RCBTB2: variants seen among roughly 807,000 people sequenced by gnomAD.
RCBTB2 encodes RCC1 and BTB domain containing protein 2, also known as RCC1 and BTB domain-containing protein 2.
Under a neutral mutation model 65.4 loss-of-function variants are expected in RCBTB2, and 55 were observed. The ratio of observed to expected loss-of-function variants is 0.84; its 90% CI spans 0.68 to 1.05. The LOEUF is 1.05. Among genes scored for constraint, RCBTB2 ranks in the 50% least tolerant of loss-of-function variants. RCBTB2 has a pLI of 0.00. For synonymous variants in RCBTB2, 220 were observed against 255.2 expected (o/e 0.86, Z 1.31); for missense variants, 599 against 680.1 (o/e 0.88, Z 1.33).
chr13:48,525,162 T>C (rs993707129), intron 1 of RCBTB2, among the ~76,000 whole-genome samples: 1 of 151,498 alleles, frequency 6.6e-6, no homozygotes, highest in African/African-American at 2.4e-5. Flanking sequence ...CAGTTAAAGA[T>C]TTCATACATA....
Position 48,502,812 on chromosome 13 carries a change from G to A in RCBTB2, c.1029C>T (p.Ile343=). ...AGGAGAAGTGGGTGAGGTGCGGGAG[G>A]ATCACGGACTGACCCCGGCACTGGC... The part of the protein sequence containing the change: ...MWGQCRGQSV[I]LPHLTHFSCT... The change falls in exon 11 of 15, where the codon ATC becomes ATT. Residue 343 remains isoleucine (I), a synonymous_variant. Transcript: ENST00000344532. 1 of 1,614,232 alleles carries A rather than the reference G, an allele frequency of 6.2e-7. No individual in the cohort carries two copies. Among genetic ancestry groups the A allele is most frequent in the Non-Finnish European group, 8.5e-7 (1 of 1,180,040 alleles).
At chr13:48,521,714 T>C (rs1323714038) in intron 4 of RCBTB2, among the ~76,000 whole-genome samples, 184 bp downstream of exon 4, 1 of 152,234 alleles carries the variant, frequency 6.6e-6, no homozygotes, top group East Asian at 1.9e-4. Flanking sequence ...AGTTTCCTGC[T>C]GGCCCCTTCA....
chr13:48,507,789 A>T (rs921395033), intron 10 of RCBTB2, among the ~76,000 whole-genome samples: 4 of 152,234 alleles, frequency 2.6e-5, no homozygotes, highest in African/African-American at 9.7e-5. Flanking sequence ...AGTTAGCTTC[A>T]CATCAGTTTA....
chr13:48,519,384 T>G (rs895131762), intron 4 of RCBTB2, among the ~76,000 whole-genome samples: 4 of 152,238 alleles, frequency 2.6e-5, no homozygotes, highest in African/African-American at 7.2e-5. Context: ...TGCTCTGCTA[T>G]AAAATCAAGT....
rs1951448683 is a variant in RCBTB2, at chr13:48,521,906, T to C, written c.34A>G (p.Ser12Gly). The change falls in exon 4 of 15, where the codon AGT (serine) becomes GGT (glycine). Residue 12 changes from serine to glycine, a missense_variant. Physicochemically the swap from Ser to Gly is moderately conservative, Grantham distance 56. Coordinates refer to ENST00000344532, the MANE Select transcript of RCBTB2 (RefSeq NM_001268.4). ...CATGATTTTTTTCTAACCTTGCCAC[T>C]GTCTCCAGAGAAAAGAGGAAGTTCT... ...EEELPLFSGD[S>G]GKPVQATLSS... The C allele has an allele frequency of 6.2e-7, 1 of 1,613,830 alleles. No individual in the cohort carries two copies. Among genetic ancestry groups the C allele is most frequent in the East Asian group, 2.2e-5 (1 of 44,876 alleles).
At chr13:48,528,973 TTTG>T (rs2138660746) in intron 1 of RCBTB2, among the ~76,000 whole-genome samples, 1 of 152,330 alleles carries the variant, frequency 6.6e-6, no homozygotes, top group Non-Finnish European at 1.5e-5. Flanking sequence ...ATTTTAATTA[TTTG>T]TTTTTTTAAA....
At chr13:48,496,840 A>G (rs145312321) in intron 13 of RCBTB2, among the ~76,000 whole-genome samples, 3,990 of 50,196 alleles carry the variant, frequency 0.079, 265 homozygotes, top group African/African-American at 0.23. Flanking sequence ...GGAGAGGAGG[A>G]GAGGGGAGAG....
intron 14 of RCBTB2, among the ~76,000 whole-genome samples, 155 bp downstream of exon 14, chr13:48,496,036 C>G (rs1031906652): frequency 2.0e-5 from 3 of 152,140 alleles, no homozygotes; most frequent in Non-Finnish European, 4.4e-5. Context: ...TATATAAATA[C>G]TTGCTTATAC....
Position 48,512,049 on chromosome 13 carries a change from C to G in RCBTB2, c.642G>C (p.Gln214His). 6.2e-7 allele frequency: 1 copy of G among 1,614,214 alleles called. No homozygotes were observed. Among genetic ancestry groups the G allele is most frequent in the South Asian group, 1.1e-5 (1 of 91,088 alleles). Reference protein sequence around the residue: ...NKVVVTIACGQMCCMAVVDTG... With the variant: ...NKVVVTIACGHMCCMAVVDTG... ...TGTCTACTACTGCCATGCAGCACAT[C>G]TGCCCACATGCTATGGTCACAACTA... The change falls in exon 8 of 15, where the codon CAG becomes CAC. Residue 214 changes from glutamine to histidine, a missense_variant. Gln to His is a conservative substitution (Grantham distance 24). Coordinates refer to ENST00000344532, the MANE Select transcript of RCBTB2 (RefSeq NM_001268.4).
chr13:48,524,178 AT>A (rs1336101927), intron 2 of RCBTB2, among the ~76,000 whole-genome samples: 1 of 152,144 alleles, frequency 6.6e-6, no homozygotes, highest in Admixed American at 6.5e-5. Flanking sequence ...CCCAATTTGC[AT>A]GTATAGTTTG....
At position 48,522,358 on chromosome 13, in the gene RCBTB2, C is replaced by T. The variant is rs1475378247; in HGVS notation, c.-74G>A. On this transcript the variant is annotated 5_prime_UTR_variant, in exon 3 of 15. Transcript: ENST00000344532. ...GAAAGTTCCAAATCACGGGGAAGAG[C>T]GGACATCAATTCTCAGCTCCACAGA... The T allele has an allele frequency of 1.4e-5, 22 of 1,524,228 alleles. No individual in the cohort carries two copies. The East Asian group carries it at 1.7e-4, about 12-fold the overall frequency. The allele number at this position is 1,524,228 out of a possible 1,614,324, so 94.4% of individuals were successfully genotyped here.
chr13:48,530,099 A>G (rs1385518348), intron 1 of RCBTB2, among the ~76,000 whole-genome samples: 4 of 151,650 alleles, frequency 2.6e-5, no homozygotes, highest in East Asian at 1.9e-4. Context: ...GAGTTTTGCC[A>G]TGTTGTCCCG....
chr13:48,533,295 A>AC (rs1952288759), upstream of RCBTB2: 1 of 305,698 alleles, frequency 3.3e-6, no homozygotes, highest in Admixed American at 4.6e-5. Context: ...CTCGGAGTTG[A>AC]CCCCCGGGAG....
chr13:48,533,212 G>C (rs1233510228), upstream of RCBTB2: 1 of 338,794 alleles, frequency 3.0e-6, no homozygotes. Flanking sequence ...GGCTGGCGAC[G>C]GCGTCTCGCC....
At chr13:48,505,477 G>A (rs958440591) in intron 10 of RCBTB2, among the ~76,000 whole-genome samples, 1 of 152,164 alleles carries the variant, frequency 6.6e-6, no homozygotes, top group Admixed American at 6.5e-5. Flanking sequence ...GTGCCAGACG[G>A]GGAAAATGGT....
At chr13:48,527,079 G>A (rs1467688577) in intron 1 of RCBTB2, among the ~76,000 whole-genome samples, 1 of 151,362 alleles carries the variant, frequency 6.6e-6, no homozygotes, top group Non-Finnish European at 1.5e-5. Flanking sequence ...TCTACTTATG[G>A]TCTAAATCTG....
At chr13:48,493,900 A>G (rs530260124) in intron 14 of RCBTB2, among the ~76,000 whole-genome samples, 1 of 152,306 alleles carries the variant, frequency 6.6e-6, no homozygotes, top group South Asian at 2.1e-4. Flanking sequence ...GCAGTACCCC[A>G]GTGCGTAGGG....
At position 48,522,405 on chromosome 13, in the gene RCBTB2, T is replaced by C; in HGVS notation, c.-119-2A>G. The C allele has an allele frequency of 8.2e-7, 1 of 1,220,880 alleles. No individual in the cohort carries two copies. 75.6% of individuals were successfully genotyped at this position (1,220,880 alleles called of 1,614,324 possible). A position where few individuals can be genotyped will look rare whatever the true frequency, so the allele number is the denominator to read the frequency against. On this transcript the variant is annotated splice_acceptor_variant, in intron 2 of 14. Coordinates refer to ENST00000344532, the MANE Select transcript of RCBTB2 (RefSeq NM_001268.4). LOFTEE classifies it low-confidence loss of function (5UTR_SPLICE). ...CAGAAGAATATATGATTTGCTAAGC[T>C]GGAAAAAAAAAAGGAGAAATGAATG...
intron 10 of RCBTB2, among the ~76,000 whole-genome samples, chr13:48,509,279 A>G (rs1950659184): frequency 6.6e-6 from 1 of 152,180 alleles, no homozygotes; most frequent in African/African-American, 2.4e-5. Flanking sequence ...GTGAGCCGTG[A>G]TTGCACCACT....
Sources: allele counts gnomAD v4.1 joint callset (sites outside exome capture counted in the v4.1 genomes callset), GRCh38; gene constraint gnomAD v4.1.1; transcripts MANE v1.5; gene names NCBI Gene and HGNC (gene_info 2026-07-23, HGNC 2026-07-21).